NFIX: variants seen among roughly 807,000 people sequenced by gnomAD.
NFIX encodes the protein nuclear factor 1 X-type.
In NFIX, 2 loss-of-function variants were observed where a neutral mutation model predicts 53.3. The ratio of observed to expected loss-of-function variants is 0.04; its 90% CI spans 0.02 to 0.12. NFIX has a LOEUF of 0.12. NFIX is among the 10% of genes least tolerant of loss of function. The probability of loss-of-function intolerance (pLI) is 1.00; values close to 1 mark genes in which losing one functional copy is unlikely to be tolerated. For missense variants in NFIX, 310 were observed against 674.5 expected (o/e 0.46, Z 5.99); for synonymous variants, 244 against 289.0 (o/e 0.84, Z 1.58).
At position 13,095,341 on chromosome 19, in the gene NFIX, G is replaced by A. The variant is rs1429755301; in HGVS notation, c.*692G>A. On this transcript the variant is annotated 3_prime_UTR_variant, in exon 11 of 11. Coordinates refer to ENST00000592199, the MANE Select transcript of NFIX (RefSeq NM_001365902.3). ...GGGTGACCCCTGGAGCTAGTTGCGT[G>A]TCCCAGAATGGAGGGTGTTCTGACA... The A allele has an allele frequency of 6.6e-6, 1 of 152,478 alleles. No individual in the cohort carries two copies. Among genetic ancestry groups the A allele is most frequent in the African/African-American group, 2.4e-5 (1 of 41,462 alleles). 9.4% of individuals were successfully genotyped at this position (152,478 alleles called of 1,614,324 possible).
chr19:13,053,876 C>CCCT (rs1009943306), intron 2 of NFIX, among the ~76,000 whole-genome samples: 23 of 152,146 alleles, frequency 1.5e-4, no homozygotes, highest in African/African-American at 4.1e-4. Context: ...GGGATCACTG[C>CCCT]CCTCCCCCAG....
chr19:13,046,923 A>G (rs543682825), intron 2 of NFIX, among the ~76,000 whole-genome samples: 1 of 152,310 alleles, frequency 6.6e-6, no homozygotes, highest in East Asian at 1.9e-4. Context: ...CAGGAAGAAC[A>G]TCAGAAGTGA....
At chr19:13,064,310 C>A (rs893461984) in intron 2 of NFIX, among the ~76,000 whole-genome samples, 35 of 152,224 alleles carry the variant, frequency 2.3e-4, no homozygotes, top group African/African-American at 8.4e-4. Context: ...AGGCGCCTGG[C>A]CTGGACGCCC....
intron 7 of NFIX, among the ~76,000 whole-genome samples, chr19:13,079,282 G>A (rs1402640837): frequency 6.6e-6 from 1 of 152,208 alleles, no homozygotes; most frequent in East Asian, 1.9e-4. Context: ...GCTGGGTCTA[G>A]GGGACAGGTG....
Position 13,088,451 on chromosome 19 carries a change from G to A in NFIX, c.1402+315G>A, listed in dbSNP as rs561028557. Among the ~76,000 whole-genome samples the A allele has an allele frequency of 1.8e-4, 28 of 152,222 alleles. No homozygotes were observed. Among genetic ancestry groups the A allele is most frequent in the Admixed American group, 1.7e-3 (26 of 15,306 alleles). On this transcript the variant is annotated intron_variant, in intron 9 of 10. Coordinates refer to ENST00000592199, the MANE Select transcript of NFIX (RefSeq NM_001365902.3). The surrounding 1 kb of genome is among the most constrained non-coding windows in gnomAD (Gnocchi z 5.9). ...GGTGCTGGCGGGGGTGGGAGGGGGC[G>A]GGGAGGCACAGCCATGCCATCTTCA...
Position 13,078,844 on chromosome 19 carries a change from C to T in NFIX, c.1078+109C>T. ...GCTGACCCCGAGTGACAGCCCCACGCTCTCCAAGTGGGCCAAGGTGCAGCA... is the reference window on the plus strand; with the variant it reads ...GCTGACCCCGAGTGACAGCCCCACGTTCTCCAAGTGGGCCAAGGTGCAGCA... On this transcript the variant is annotated intron_variant, in intron 7 of 10. Coordinates refer to ENST00000592199, the MANE Select transcript of NFIX (RefSeq NM_001365902.3). The surrounding 1 kb of genome is among the most constrained non-coding windows in gnomAD (Gnocchi z 4.7). 1 of 1,300,866 alleles carries T rather than the reference C, an allele frequency of 7.7e-7. No homozygotes were observed. Among genetic ancestry groups the T allele is most frequent in the Non-Finnish European group, 1.0e-6 (1 of 965,956 alleles). The allele number at this position is 1,300,866 out of a possible 1,614,324, so 80.6% of individuals were successfully genotyped here.
At chr19:13,007,642 C>T (rs913800453) in intron 1 of NFIX, among the ~76,000 whole-genome samples, 28 of 152,222 alleles carry the variant, frequency 1.8e-4, no homozygotes, top group Non-Finnish European at 2.8e-4. Context: ...AACCAAGCCT[C>T]GCCTTCGGTA....
chr19:13,031,034 C>A (rs531613224), intron 2 of NFIX, among the ~76,000 whole-genome samples: 44 of 152,172 alleles, frequency 2.9e-4, no homozygotes, highest in Non-Finnish European at 5.7e-4. Flanking sequence ...GGGGCTCAGG[C>A]TGGCCTCAGA....
Position 13,078,685 on chromosome 19 carries a change from G to A in NFIX, c.1028G>A (p.Arg343His), listed in dbSNP as rs762562838. The A allele has an allele frequency of 1.3e-6, 2 of 1,599,214 alleles. No homozygotes were observed. Among genetic ancestry groups the A allele is most frequent in the Non-Finnish European group, 1.7e-6 (2 of 1,173,268 alleles). The change falls in exon 7 of 11, where the codon CGC becomes CAC. Residue 343 changes from arginine to histidine, a missense_variant. Transcript: ENST00000592199. This position sits in a 1 kb window ranked among gnomAD's most constrained non-coding sequence, Gnocchi z 4.7. ...SALSSQGSSPRMAFTHHPLPV... is the reference protein window; with the variant it reads ...SALSSQGSSPHMAFTHHPLPV... The stretch of plus-strand genomic sequence containing the variant: ...CTCTCCTCTCAGGGCAGCTCCCCGC[G>A]CATGGCTTTCACCCACCACCCGCTG...
chr19:13,073,351 A>G lies in NFIX; in HGVS notation c.623-71A>G. 7.6e-7 allele frequency: 1 copy of G among 1,319,206 alleles called. No individual in the cohort carries two copies. Among genetic ancestry groups the G allele is most frequent in the Non-Finnish European group, 1.1e-6 (1 of 911,072 alleles). The allele number at this position is 1,319,206 out of a possible 1,614,324, so 81.7% of individuals were successfully genotyped here. A position where few individuals can be genotyped will look rare whatever the true frequency, so the allele number is the denominator to read the frequency against. On this transcript the variant is annotated intron_variant, in intron 3 of 10. Coordinates refer to ENST00000592199, the MANE Select transcript of NFIX (RefSeq NM_001365902.3). This position sits in a 1 kb window ranked among gnomAD's most constrained non-coding sequence, Gnocchi z 4.5. Reference sequence around the variant, plus strand: ...TGGGAGGGAGAAGCAACAGTGTGGAAGACCTTTGGAAATAGCCAGGCAGCC... The same window carrying G: ...TGGGAGGGAGAAGCAACAGTGTGGAGGACCTTTGGAAATAGCCAGGCAGCC...
At chr19:13,054,949 G>A (rs1489814219) in intron 2 of NFIX, among the ~76,000 whole-genome samples, 1 of 152,066 alleles carries the variant, frequency 6.6e-6, no homozygotes, top group Non-Finnish European at 1.5e-5. Flanking sequence ...GTTAAAAAAT[G>A]TTCATAATTT....
rs1386697107 is a variant in NFIX, at chr19:13,052,393, A to C, written c.560-20654A>C. On this transcript the variant is annotated intron_variant, in intron 2 of 10. Transcript: ENST00000592199. This position sits in a 1 kb window ranked among gnomAD's most constrained non-coding sequence, Gnocchi z 5.2. ...ATGGGAGCCCACCTGGATGGCACGA[A>C]CCACCTGAGTGATCCCCCTGTTCTC... 6.6e-6 allele frequency among the ~76,000 whole-genome samples: 1 copy of C among 152,118 alleles called. No homozygotes were observed. The highest frequency in any genetic ancestry group is 2.4e-5 in the African/African-American group (1 of 41,438).
rs35785662 is a variant in NFIX at position 13,042,355 on chromosome 19, C to CTTT, written c.559+16821_559+16823dup. On this transcript the variant is annotated intron_variant, in intron 2 of 10. Coordinates refer to ENST00000592199, the MANE Select transcript of NFIX (RefSeq NM_001365902.3). ...AAAAATAAAAACATGCTTTTACATG[C>CTTT]TTTTTTTTTTTTTTTTTTTTGGAGA... 1.3e-3 allele frequency among the ~76,000 whole-genome samples: 130 copies of CTTT among 100,574 alleles called. 1 individual carries two copies. The highest frequency in any genetic ancestry group is 1.5e-3 in the East Asian group (5 of 3,250). The allele number at this position is 100,574 out of a possible 152,430, so 66.0% of individuals were successfully genotyped here. A position where few individuals can be genotyped will look rare whatever the true frequency, so the allele number is the denominator to read the frequency against.
rs2016924041 is a variant in NFIX at position 13,074,031 on chromosome 19, G to A, written c.818+5G>A. The A allele has an allele frequency of 1.2e-6, 2 of 1,613,708 alleles. No homozygotes were observed. Among genetic ancestry groups the A allele is most frequent in the Admixed American group, 1.7e-5 (1 of 60,000 alleles). On this transcript the variant is annotated splice_donor_5th_base_variant and intron_variant, in intron 5 of 10. Coordinates refer to ENST00000592199, the MANE Select transcript of NFIX (RefSeq NM_001365902.3). ...CACCTCCCCTCCTTCCACCAGGTAAGCCCAGTGGCCCTGCCTTTCCATCTT... is the reference window on the plus strand; with the variant it reads ...CACCTCCCCTCCTTCCACCAGGTAAACCCAGTGGCCCTGCCTTTCCATCTT...
chr19:13,056,926 T>G (rs965068867), intron 2 of NFIX, among the ~76,000 whole-genome samples: 2 of 152,250 alleles, frequency 1.3e-5, no homozygotes, highest in Admixed American at 6.5e-5. Context: ...TTCCACCTGC[T>G]TGTTTCCTGG....
intron 2 of NFIX, among the ~76,000 whole-genome samples, chr19:13,063,826 G>T (rs1304415177): frequency 6.6e-6 from 1 of 152,170 alleles, no homozygotes. Context: ...TTAGAGTCTG[G>T]AGGACTCTGT....
At chr19:13,038,230 C>T (rs1055649370) in intron 2 of NFIX, among the ~76,000 whole-genome samples, 3 of 152,088 alleles carry the variant, frequency 2.0e-5, no homozygotes, top group African/African-American at 7.2e-5. Context: ...GTGGATCCTT[C>T]ATCTGTTATT....
At position 13,000,608 on chromosome 19, in the gene NFIX, G is replaced by C. The variant is rs527569959; in HGVS notation, c.27+4744G>C. Reference sequence around the variant, plus strand: ...GGCCTCCACTGTTCCATGAGGACCAGATACCCTGGTTGGGGGCCCTGAGTC... The same window carrying C: ...GGCCTCCACTGTTCCATGAGGACCACATACCCTGGTTGGGGGCCCTGAGTC... On this transcript the variant is annotated intron_variant, in intron 1 of 10. Coordinates refer to ENST00000592199, the MANE Select transcript of NFIX (RefSeq NM_001365902.3). 2.4e-3 allele frequency among the ~76,000 whole-genome samples: 358 copies of C among 152,162 alleles called. 4 individuals carry two copies. Among genetic ancestry groups the C allele is most frequent in the Non-Finnish European group, 1.2e-3 (80 of 67,994 alleles).
intron 7 of NFIX, among the ~76,000 whole-genome samples, chr19:13,080,257 T>A (rs1434763541): frequency 1.3e-5 from 2 of 152,254 alleles, no homozygotes; most frequent in African/African-American, 4.8e-5. Flanking sequence ...TTTTTTTGTT[T>A]GTTTTTCTTT....
Sources: allele counts gnomAD v4.1 joint callset (sites outside exome capture counted in the v4.1 genomes callset), GRCh38; gene constraint gnomAD v4.1.1; non-coding constraint Gnocchi (gnomAD v3.1); transcripts MANE v1.5; gene names NCBI Gene and HGNC (gene_info 2026-07-23, HGNC 2026-07-21).